The following LMAN2 variants were observed in gnomAD, a reference collection of about 807,000 sequenced individuals.
LMAN2 encodes vesicular integral-membrane protein VIP36.
In LMAN2, 22 loss-of-function variants were observed where a neutral mutation model predicts 39.3. The observed-to-expected ratio is 0.56, with a 90% CI of 0.40 to 0.80. The LOEUF (loss-of-function observed/expected upper bound fraction) is 0.80. Among genes scored for constraint, LMAN2 ranks in the 30% least tolerant of loss-of-function variants. LMAN2 has a pLI of 0.00. For synonymous variants in LMAN2, 207 were observed against 207.8 expected (o/e 1.00, Z 0.03); for missense variants, 494 against 505.4 (o/e 0.98, Z 0.22).
chr5:177,342,745 GA>G (rs1272486062), intron 2 of LMAN2, among the ~76,000 whole-genome samples: 1 of 148,566 alleles, frequency 6.7e-6, no homozygotes, highest in Admixed American at 6.7e-5. Context: ...AAAATCTAGG[GA>G]AAAAATGTTC....
Position 177,334,390 on chromosome 5 carries a change from G to A in LMAN2, c.804C>T (p.Ile268=). 1.2e-6 allele frequency: 2 copies of A among 1,613,238 alleles called. No individual in the cohort carries two copies. Among genetic ancestry groups the A allele is most frequent in the Non-Finnish European group, 1.7e-6 (2 of 1,179,904 alleles). The change falls in exon 7 of 8, where the codon ATC becomes ATT. Residue 268 remains isoleucine (I), a synonymous_variant. Transcript: ENST00000303127. ...GTGDLSDNHD[I]ISMKLFQLMV... ...TCAGCTGGAACAGCTTCATGGAGAT[G>A]ATGTCATGATTGTCTGCAGGACCAA...
rs556566413 is a variant in LMAN2, at chr5:177,337,415, T to G, written c.623A>C (p.Asn208Thr). Residue 208 changes from asparagine (N) to threonine (T), a missense_variant, in exon 5 of 8, where the codon AAC (asparagine) becomes ACC (threonine). Asn to Thr is a moderately conservative substitution (Grantham distance 65). Transcript: ENST00000303127. This position sits in a 1 kb window ranked among gnomAD's most constrained non-coding sequence, Gnocchi z 8.2. ...AGCCAGGAAGGTGTCGTGATCGCGG[T>G]TGCGGAAGTCAGCCGTGCAGCCCGC... ...ELAGCTADFR[N>T]RDHDTFLAVR... The G allele has an allele frequency of 6.2e-7, 1 of 1,613,304 alleles. No homozygotes were observed. Among genetic ancestry groups the G allele is most frequent in the East Asian group, 2.2e-5 (1 of 44,874 alleles).
intron 2 of LMAN2, among the ~76,000 whole-genome samples, chr5:177,344,529 C>T (rs1761606315): frequency 6.6e-6 from 1 of 151,580 alleles, no homozygotes; most frequent in African/African-American, 2.4e-5. Context: ...ATCCACCTAC[C>T]TCGGTCTCCC....
intron 2 of LMAN2, among the ~76,000 whole-genome samples, chr5:177,341,008 G>GC (rs1761545797): frequency 6.6e-6 from 1 of 150,792 alleles, no homozygotes. Context: ...GCCCACCTCA[G>GC]CCTCCCAAAG....
At chr5:177,344,569 C>T (rs554936656) in intron 2 of LMAN2, among the ~76,000 whole-genome samples, 10 of 151,488 alleles carry the variant, frequency 6.6e-5, no homozygotes, top group South Asian at 6.3e-4. Flanking sequence ...CGTGAGCCAC[C>T]GCGCCCAGCC....
chr5:177,351,574 G>T lies in LMAN2; in HGVS notation c.74C>A (p.Pro25His). 6.2e-7 allele frequency: 1 copy of T among 1,613,876 alleles called. No individual in the cohort carries two copies. Among genetic ancestry groups the T allele is most frequent in the Admixed American group, 1.7e-5 (1 of 59,920 alleles). Residue 25 changes from proline (P) to histidine (H), a missense_variant, in exon 1 of 8, where the codon CCC becomes CAC. By Grantham distance (77) the Pro-to-His change is moderately conservative. Transcript: ENST00000303127. The stretch of plus-strand genomic sequence containing the variant: ...GAGAGGTGTAGTGGGGCCAGGGCCG[G>T]GGCCGAGAAGCCCAGGCCTTCCCAG... ...RCLGRPGLLG[P>H]GPGPTTPLFL... is the part of the protein sequence containing the mutation.
At chr5:177,344,681 A>C (rs1266140801) in intron 2 of LMAN2, among the ~76,000 whole-genome samples, 4 of 150,938 alleles carry the variant, frequency 2.7e-5, no homozygotes, top group African/African-American at 4.9e-5. Flanking sequence ...CGAGGCAGGC[A>C]GATCACCTGA....
chr5:177,351,623 G>T lies in LMAN2; in HGVS notation c.25C>A (p.Arg9Ser). The T allele has an allele frequency of 6.3e-7, 1 of 1,596,078 alleles. No homozygotes were observed. Among genetic ancestry groups the T allele is most frequent in the Non-Finnish European group, 8.5e-7 (1 of 1,173,644 alleles). ...AGGCACCGCCGGCCCCAGCCCCAACGCCAAATCCAGCCTTCCGCCGCCATT... is the reference window on the plus strand; with the variant it reads ...AGGCACCGCCGGCCCCAGCCCCAACTCCAAATCCAGCCTTCCGCCGCCATT... MAAEGWIW[R>S]WGWGRRCLGR... The change falls in exon 1 of 8, where the codon CGT becomes AGT. Residue 9 changes from arginine to serine, a missense_variant. Arg to Ser is a moderately radical substitution (Grantham distance 110, BLOSUM62 -1). Coordinates refer to ENST00000303127, the MANE Select transcript of LMAN2 (RefSeq NM_006816.3).
In LMAN2 at chr5:177,351,524, C is replaced by A; in HGVS notation, c.124G>T (p.Val42Leu). ...TTGCCGTCAGTTATATCCGCAGTCACAGACCCCAACAACAAAAGAAGAAAG... is the reference window on the plus strand; with the variant it reads ...TTGCCGTCAGTTATATCCGCAGTCAAAGACCCCAACAACAAAAGAAGAAAG... ...PLFLLLLLGS[V>L]TADITDGNSE... Residue 42 changes from valine to leucine, a missense_variant, in exon 1 of 8, where the codon GTG (valine) becomes TTG (leucine). Physicochemically the swap from Val to Leu is conservative, Grantham distance 32 (BLOSUM62 1). Transcript: ENST00000303127. The A allele has an allele frequency of 6.2e-7, 1 of 1,614,284 alleles. No homozygotes were observed. Among genetic ancestry groups the A allele is most frequent in the African/African-American group, 1.3e-5 (1 of 75,086 alleles).
At chr5:177,335,468 T>C (rs1009101127) in intron 6 of LMAN2, among the ~76,000 whole-genome samples, 14 of 152,184 alleles carry the variant, frequency 9.2e-5, no homozygotes, top group Non-Finnish European at 1.9e-4. Context: ...TCATGGTGCC[T>C]CCTCCACTCT....
chr5:177,345,339 T>TAAAAAAA (rs10639580), intron 2 of LMAN2, among the ~76,000 whole-genome samples: 6 of 52,406 alleles, frequency 1.1e-4, no homozygotes, highest in Non-Finnish European at 2.2e-4. Flanking sequence ...AGACCCTGTC[T>TAAAAAAA]AAAAAAAAAA....
rs773300538 is a variant in LMAN2, at chr5:177,332,106, G to A, written c.1051C>T (p.Arg351Trp). Residue 351 changes from arginine (R) to tryptophan (W), a missense_variant, in exon 8 of 8, where the codon CGG becomes TGG. Coordinates refer to ENST00000303127, the MANE Select transcript of LMAN2 (RefSeq NM_006816.3). This position sits in a 1 kb window ranked among gnomAD's most constrained non-coding sequence, Gnocchi z 6.3. ...GCCACTCAGTAGAAGCGCTTGTTCC[G>A]CTCCTGCCGCTTCTGGAACACCACG... ...GAVVFQKRQE[R>W]NKRFY The A allele has an allele frequency of 3.1e-6, 5 of 1,612,770 alleles. No homozygotes were observed. The highest frequency in any genetic ancestry group is 2.7e-5 in the African/African-American group (2 of 74,902).
chr5:177,341,007 A>G (rs1158253441), intron 2 of LMAN2, among the ~76,000 whole-genome samples: 89 of 150,424 alleles, frequency 5.9e-4, no homozygotes, highest in Admixed American at 2.0e-3. Flanking sequence ...CGCCCACCTC[A>G]GCCTCCCAAA....
intron 2 of LMAN2, among the ~76,000 whole-genome samples, chr5:177,344,129 G>T (rs1403552032): frequency 6.6e-6 from 1 of 151,296 alleles, no homozygotes; most frequent in Non-Finnish European, 1.5e-5. Context: ...TAAGCAGGAG[G>T]ATCACTGGAC....
At position 177,351,650 on chromosome 5, in the gene LMAN2, T is replaced by C. The variant is rs935441483; in HGVS notation, c.-3A>G. 6.3e-7 allele frequency: 1 copy of C among 1,582,366 alleles called. No individual in the cohort carries two copies. Reference sequence around the variant, plus strand: ...CAAATCCAGCCTTCCGCCGCCATTCTCCTCTCCTCTCGGCCACTTCCGCCC... The same window carrying C: ...CAAATCCAGCCTTCCGCCGCCATTCCCCTCTCCTCTCGGCCACTTCCGCCC... On this transcript the variant is annotated 5_prime_UTR_variant, in exon 1 of 8. Coordinates refer to ENST00000303127, the MANE Select transcript of LMAN2 (RefSeq NM_006816.3).
intron 2 of LMAN2, among the ~76,000 whole-genome samples, chr5:177,345,177 CAAA>C (rs55947322): frequency 7.7e-5 from 9 of 116,394 alleles, no homozygotes; most frequent in Non-Finnish European, 7.4e-5. Flanking sequence ...CTACTTCTAC[CAAA>C]AAAAAAAAAA....
chr5:177,336,938 A>G (rs1761482217), intron 6 of LMAN2, 198 bp downstream of exon 6: 2 of 597,426 alleles, frequency 3.3e-6, no homozygotes, highest in African/African-American at 3.7e-5. Context: ...AGAAAGGAGG[A>G]GGAGGAACAC....
At chr5:177,335,078 C>CA (rs1291307471) in intron 6 of LMAN2, among the ~76,000 whole-genome samples, 2 of 152,194 alleles carry the variant, frequency 1.3e-5, no homozygotes, top group Non-Finnish European at 2.9e-5. Context: ...TCAAAGCCGA[C>CA]ACGTGGGTCC....
At position 177,337,561 on chromosome 5, in the gene LMAN2, A is replaced by T; in HGVS notation, c.514-37T>A. 1 of 1,610,312 alleles carries T rather than the reference A, an allele frequency of 6.2e-7. No individual in the cohort carries two copies. The highest frequency in any genetic ancestry group is 8.5e-7 in the Non-Finnish European group (1 of 1,177,096). ...ACATCGGTTACTCCACAAGCAGCCC[A>T]GCCTGTGGGGCGAGCAGGGGCACCC... is the stretch of plus-strand genomic sequence containing the variant. On this transcript the variant is annotated intron_variant, in intron 4 of 7. Coordinates refer to ENST00000303127, the MANE Select transcript of LMAN2 (RefSeq NM_006816.3). The surrounding 1 kb of genome is among the most constrained non-coding windows in gnomAD (Gnocchi z 8.2).
Sources: allele counts gnomAD v4.1 joint callset (sites outside exome capture counted in the v4.1 genomes callset), GRCh38; gene constraint gnomAD v4.1.1; non-coding constraint Gnocchi (gnomAD v3.1); transcripts MANE v1.5; gene names NCBI Gene and HGNC (gene_info 2026-07-23, HGNC 2026-07-21).